CNTN1: variants seen among roughly 807,000 people sequenced by gnomAD.
CNTN1 encodes the protein contactin 1.
CNTN1 carries 38 observed loss-of-function variants against 126.4 expected under a neutral mutation model. The ratio of observed to expected loss-of-function variants is 0.30; its 90% CI spans 0.23 to 0.39. The LOEUF is 0.39. CNTN1 is among the 10% of genes least tolerant of loss of function. CNTN1 has a pLI of 1.00. For missense variants in CNTN1, 1,009 were observed against 1,248.4 expected (o/e 0.81, Z 2.89); for synonymous variants, 413 against 422.6 (o/e 0.98, Z 0.28).
At chr12:40,862,149 A>T (rs1943135097) in intron 1 of CNTN1, among the ~76,000 whole-genome samples, 1 of 151,652 alleles carries the variant, frequency 6.6e-6, no homozygotes, top group African/African-American at 2.4e-5. Flanking sequence ...GGTTGCAGTG[A>T]CCTATGATTG....
At chr12:40,849,255 G>A (rs949435416) in intron 1 of CNTN1, among the ~76,000 whole-genome samples, 68 of 152,174 alleles carry the variant, frequency 4.5e-4, no homozygotes, top group African/African-American at 1.6e-3. Context: ...TTTAAAAAAG[G>A]TGTAAAGACC....
At chr12:40,821,519 G>T (rs1210431954) in intron 1 of CNTN1, among the ~76,000 whole-genome samples, 5 of 152,078 alleles carry the variant, frequency 3.3e-5, no homozygotes, top group East Asian at 1.9e-4. Flanking sequence ...AGTATTAGTG[G>T]TCTCATTTTA....
intron 1 of CNTN1, among the ~76,000 whole-genome samples, chr12:40,716,621 TG>T (rs1592004612): frequency 6.6e-6 from 1 of 152,344 alleles, no homozygotes; most frequent in East Asian, 1.9e-4. Context: ...TGAAACTCAT[TG>T]GCTTAGCCTT....
At chr12:40,998,958 T>G (rs1264237447) in intron 17 of CNTN1, among the ~76,000 whole-genome samples, 1 of 152,164 alleles carries the variant, frequency 6.6e-6, no homozygotes, top group Non-Finnish European at 1.5e-5. Context: ...ATCAAGAGCT[T>G]ATCTTCATAT....
At chr12:40,704,709 C>G (rs945037320) in intron 1 of CNTN1, among the ~76,000 whole-genome samples, 3 of 152,074 alleles carry the variant, frequency 2.0e-5, no homozygotes, top group African/African-American at 7.2e-5. Flanking sequence ...TACAATATGA[C>G]TAAATCACTA....
chr12:40,768,698 A>C (rs981550100), intron 1 of CNTN1, among the ~76,000 whole-genome samples: 1 of 151,804 alleles, frequency 6.6e-6, no homozygotes, highest in Non-Finnish European at 1.5e-5. Context: ...TTGCAACTGC[A>C]CACAGGTTGG....
intron 1 of CNTN1, among the ~76,000 whole-genome samples, chr12:40,852,889 G>GTT (rs143905169): frequency 0.1 from 14,674 of 145,484 alleles, 840 homozygotes; most frequent in Non-Finnish European, 0.13. Context: ...TTATTGCATA[G>GTT]TTTTTTTTTT....
intron 1 of CNTN1, among the ~76,000 whole-genome samples, chr12:40,900,446 T>C (rs1944564254): frequency 6.6e-6 from 1 of 152,160 alleles, no homozygotes; most frequent in African/African-American, 2.4e-5. Flanking sequence ...GGAGTGTGTG[T>C]GTGTATGGTT....
intron 23 of CNTN1, among the ~76,000 whole-genome samples, chr12:41,066,599 A>G (rs1950053792): frequency 6.6e-6 from 1 of 152,234 alleles, no homozygotes; most frequent in Non-Finnish European, 1.5e-5. Context: ...CACCACAAAG[A>G]GAAAATTCTA....
At chr12:40,880,925 T>C (rs1485174923) in intron 1 of CNTN1, among the ~76,000 whole-genome samples, 1 of 151,986 alleles carries the variant, frequency 6.6e-6, no homozygotes, top group Non-Finnish European at 1.5e-5. Flanking sequence ...TACTGTGTTC[T>C]ATGCTTGGAA....
chr12:41,000,260 T>C (rs1399203532), intron 17 of CNTN1, among the ~76,000 whole-genome samples: 6 of 152,218 alleles, frequency 3.9e-5, no homozygotes, highest in Non-Finnish European at 8.8e-5. Context: ...GAAGGCAATA[T>C]TTGATTCAAC....
chr12:40,737,182 C>G (rs1480902356), intron 1 of CNTN1, among the ~76,000 whole-genome samples: 1 of 151,200 alleles, frequency 6.6e-6, no homozygotes, highest in Non-Finnish European at 1.5e-5. Context: ...CTACAAGAAA[C>G]AGATGCTTGT....
At position 40,815,611 on chromosome 12, in the gene CNTN1, T is replaced by A. The variant is rs115152533; in HGVS notation, c.-76-92746T>A. ...CATCTACAAACAGAGACAACTTGAC[T>A]TCCTCTATTCCTATTTGGACACCCC... is the stretch of plus-strand genomic sequence containing the variant. On this transcript the variant is annotated intron_variant, in intron 1 of 23. Coordinates refer to ENST00000551295, the MANE Select transcript of CNTN1 (RefSeq NM_001843.4). Among the ~76,000 whole-genome samples the A allele has an allele frequency of 4.8e-3, 730 of 152,302 alleles. 8 individuals are homozygous for A. The highest frequency in any genetic ancestry group is 0.017 in the African/African-American group (702 of 41,570).
At chr12:40,762,156 A>G (rs544641409) in intron 1 of CNTN1, among the ~76,000 whole-genome samples, 1 of 152,324 alleles carries the variant, frequency 6.6e-6, no homozygotes, top group South Asian at 2.1e-4. Flanking sequence ...ATTTTCTTTC[A>G]AAGGAATAGT....
At chr12:40,992,444 T>A (rs1948117571) in intron 16 of CNTN1, among the ~76,000 whole-genome samples, 1 of 152,090 alleles carries the variant, frequency 6.6e-6, no homozygotes, top group South Asian at 2.1e-4. Context: ...AAGCTTATAA[T>A]AATGCACAGA....
At chr12:40,825,181 CAG>C (rs1328579317) in intron 1 of CNTN1, among the ~76,000 whole-genome samples, 1 of 152,068 alleles carries the variant, frequency 6.6e-6, no homozygotes, top group African/African-American at 2.4e-5. Context: ...TGGTAGGACA[CAG>C]AGAGAAAAGT....
chr12:40,761,830 CT>C (rs1453680188), intron 1 of CNTN1, among the ~76,000 whole-genome samples: 5 of 152,134 alleles, frequency 3.3e-5, no homozygotes, highest in African/African-American at 1.2e-4. Context: ...AACTTCTAAG[CT>C]TAATTAAACT....
At chr12:41,011,704 C>T (rs1290443434) in intron 17 of CNTN1, among the ~76,000 whole-genome samples, 1 of 152,208 alleles carries the variant, frequency 6.6e-6, no homozygotes, top group Non-Finnish European at 1.5e-5. Context: ...GACTATGTAA[C>T]AGTTGCATTT....
At position 40,972,584 on chromosome 12, in the gene CNTN1, AATTT is replaced by A. The variant is rs1301944325; in HGVS notation, c.1805-8321_1805-8318del. The stretch of plus-strand genomic sequence containing the variant: ...ATATATATAGTTTAACTTTAAAAAT[AATTT>A]ATTAGTCATCATAAAGAAATAAATG... On this transcript the variant is annotated intron_variant, in intron 15 of 23. Transcript: ENST00000551295. 6.4e-6 allele frequency: 5 copies of A among 779,316 alleles called. No individual in the cohort carries two copies. The African/African-American group carries it at 7.5e-5, about 12-fold the overall frequency. 48.3% of individuals were successfully genotyped at this position (779,316 alleles called of 1,614,324 possible).
Sources: gnomAD v4.1 joint callset for allele counts (sites outside exome capture counted in the v4.1 genomes callset) on GRCh38, gnomAD v4.1.1 for gene constraint, MANE v1.5 for transcripts, NCBI Gene and HGNC (gene_info 2026-07-23, HGNC 2026-07-21) for gene names.